LRRC7: variants seen among roughly 807,000 people sequenced by gnomAD.
LRRC7 encodes leucine rich repeat containing 7.
LRRC7 carries 23 observed loss-of-function variants against 175.7 expected under a neutral mutation model. The ratio of observed to expected loss-of-function variants is 0.13; its 90% confidence interval spans 0.09 to 0.19. The LOEUF (loss-of-function observed/expected upper bound fraction) is 0.19, where lower values mean the gene tolerates loss of function less well. Ranked by LOEUF, LRRC7 falls within the 10% of genes least tolerant of loss-of-function variation. The pLI is 1.00. For missense variants in LRRC7, 1,354 were observed against 1,904.7 expected (o/e 0.71, Z 5.38); for synonymous variants, 685 against 680.9 (o/e 1.01, Z -0.09).
chr1:69,745,833 T>C (rs1669195525), intron 2 of LRRC7, among the ~76,000 whole-genome samples: 1 of 151,948 alleles, frequency 6.6e-6, no homozygotes, highest in Non-Finnish European at 1.5e-5. Context: ...AGTAATATTA[T>C]GAATTTTATT....
intron 1 of LRRC7, among the ~76,000 whole-genome samples, chr1:69,646,628 G>A (rs746352374): frequency 6.6e-6 from 1 of 152,102 alleles, no homozygotes; most frequent in Non-Finnish European, 1.5e-5. Flanking sequence ...ATTAAAGACA[G>A]GAATGTTGGT....
At chr1:70,055,261 A>G (rs187522000) in intron 23 of LRRC7, among the ~76,000 whole-genome samples, 1 of 152,324 alleles carries the variant, frequency 6.6e-6, no homozygotes, top group East Asian at 1.9e-4. Context: ...AGGGATAAGC[A>G]GAAGCCGGAT....
At chr1:69,772,201 A>G (rs34431719) in intron 3 of LRRC7, among the ~76,000 whole-genome samples, 4,613 of 152,216 alleles carry the variant, frequency 0.03, 77 homozygotes, top group African/African-American at 0.045. Flanking sequence ...CTTGAGGTGG[A>G]AAGTGCAGTA....
chr1:69,813,906 T>C (rs537514218), intron 4 of LRRC7, among the ~76,000 whole-genome samples: 1 of 152,260 alleles, frequency 6.6e-6, no homozygotes, highest in East Asian at 1.9e-4. Context: ...GAATAAGATA[T>C]ATTGCTCAAG....
At chr1:69,598,859 T>G (rs901710724) in intron 1 of LRRC7, among the ~76,000 whole-genome samples, 3 of 152,216 alleles carry the variant, frequency 2.0e-5, no homozygotes, top group African/African-American at 7.2e-5. Flanking sequence ...TCCAAATATT[T>G]CTACTGAACA....
chr1:69,640,142 A>G (rs1469926118), intron 1 of LRRC7, among the ~76,000 whole-genome samples: 3 of 151,748 alleles, frequency 2.0e-5, no homozygotes, highest in African/African-American at 7.2e-5. Context: ...TCTGAGGAAA[A>G]ACATTCTAGC....
In LRRC7 at chr1:69,918,092, T is replaced by C. The variant is rs369907755; in HGVS notation, c.648-13415T>C. Among the ~76,000 whole-genome samples the C allele has an allele frequency of 1.4e-4, 22 of 152,328 alleles. No individual in the cohort carries two copies. In the East Asian group the frequency reaches 3.7e-3, roughly 25 times the overall value. On this transcript the variant is annotated intron_variant, in intron 7 of 26. Transcript: ENST00000651989. ...TAGCAATCTATCCATACTTTTATCG[T>C]GGCACTTGTCACTCTATGAAGTAAT...
intron 15 of LRRC7, among the ~76,000 whole-genome samples, chr1:70,019,807 T>G (rs1657292640): frequency 6.6e-6 from 1 of 152,048 alleles, no homozygotes. Context: ...AACCACCATG[T>G]TTACACATTT....
chr1:69,981,375 A>G lies in LRRC7; in HGVS notation c.786+922A>G, dbSNP rs188795370. On this transcript the variant is annotated intron_variant, in intron 9 of 26. Coordinates refer to ENST00000651989, the MANE Select transcript of LRRC7 (RefSeq NM_001370785.2). ...ACATTTATTCTGTCTTTGAATAAGC[A>G]TAAGACCACATAAAGGAGAAAATCT... 3.5e-3 allele frequency among the ~76,000 whole-genome samples: 527 copies of G among 152,350 alleles called. 2 individuals are homozygous for G. The highest frequency in any genetic ancestry group is 5.5e-3 in the Non-Finnish European group (376 of 68,018).
At chr1:69,926,839 A>T (rs974947766) in intron 7 of LRRC7, among the ~76,000 whole-genome samples, 2 of 152,138 alleles carry the variant, frequency 1.3e-5, no homozygotes, top group African/African-American at 4.8e-5. Flanking sequence ...TGTGAATTTG[A>T]TCCTGTCGTT....
intron 3 of LRRC7, among the ~76,000 whole-genome samples, chr1:69,786,272 C>CT (rs921754957): frequency 2.0e-5 from 3 of 152,076 alleles, no homozygotes; most frequent in African/African-American, 7.2e-5. Context: ...ATTCCAGTCT[C>CT]TAACACAAGA....
Position 70,138,661 on chromosome 1 carries a change from G to A in LRRC7, c.*16774G>A, listed in dbSNP as rs1422485657. The A allele has an allele frequency of 6.6e-6, 1 of 152,186 alleles. No homozygotes were observed. Among genetic ancestry groups the A allele is most frequent in the African/African-American group, 2.4e-5 (1 of 41,448 alleles). The allele number at this position is 152,186 out of a possible 1,614,324, so 9.4% of individuals were successfully genotyped here. On this transcript the variant is annotated 3_prime_UTR_variant, in exon 27 of 27. Coordinates refer to ENST00000651989, the MANE Select transcript of LRRC7 (RefSeq NM_001370785.2). ...AATTTAAATTCTCAATACCCTATGA[G>A]ATTTTTTAAACTATTTTAGATTCTT... is the stretch of plus-strand genomic sequence containing the variant.
chr1:69,965,480 A>G (rs1434010441), intron 8 of LRRC7, among the ~76,000 whole-genome samples: 1 of 152,160 alleles, frequency 6.6e-6, no homozygotes, highest in Non-Finnish European at 1.5e-5. Flanking sequence ...AATTAATTAT[A>G]AATCAATCAC....
intron 21 of LRRC7, 103 bp downstream of exon 21, chr1:70,039,896 T>A: frequency 7.4e-7 from 1 of 1,345,554 alleles, no homozygotes; most frequent in Non-Finnish European, 1.0e-6. Flanking sequence ...ATGAATGAAT[T>A]AGATGATCAG....
intron 2 of LRRC7, among the ~76,000 whole-genome samples, chr1:69,692,598 A>G (rs1023374753): frequency 2.0e-5 from 3 of 152,190 alleles, no homozygotes; most frequent in Non-Finnish European, 1.5e-5. Context: ...TTGACCCTTC[A>G]TATTCTACTG....
chr1:70,039,263 A>G lies in LRRC7; in HGVS notation c.3439A>G (p.Arg1147Gly), dbSNP rs1659643474. 19 of 1,614,112 alleles carry G rather than the reference A, an allele frequency of 1.2e-5. No homozygotes were observed. The highest frequency in any genetic ancestry group is 1.5e-5 in the Non-Finnish European group (18 of 1,179,998). The change falls in exon 21 of 27, where the codon AGG becomes GGG. Residue 1147 changes from arginine to glycine, a missense_variant. Physicochemically the swap from Arg to Gly is moderately radical, Grantham distance 125. Transcript: ENST00000651989. ...TGCCCAGTTCGCAAGCCAAGGGGCC[A>G]GGGCGGGCTTCCTGAGAAGGGCCGA... ...VNAQFASQGA[R>G]AGFLRRADSL...
intron 2 of LRRC7, among the ~76,000 whole-genome samples, chr1:69,737,325 G>A (rs1259560155): frequency 6.6e-6 from 1 of 152,000 alleles, no homozygotes; most frequent in Non-Finnish European, 1.5e-5. Flanking sequence ...CTTTTTAAGG[G>A]CAGTTCCCCT....
At chr1:69,771,856 C>T (rs1166429424) in intron 3 of LRRC7, among the ~76,000 whole-genome samples, 1 of 152,128 alleles carries the variant, frequency 6.6e-6, no homozygotes, top group Admixed American at 6.5e-5. Flanking sequence ...CACGGTGGCT[C>T]ACACCTGCAA....
At chr1:69,855,307 G>C (rs1683468635) in intron 7 of LRRC7, among the ~76,000 whole-genome samples, 1 of 152,188 alleles carries the variant, frequency 6.6e-6, no homozygotes, top group African/African-American at 2.4e-5. Flanking sequence ...ATGTGTCCCA[G>C]AGATTGTGGT....
Sources: gnomAD v4.1 joint callset for allele counts (sites outside exome capture counted in the v4.1 genomes callset) on GRCh38, gnomAD v4.1.1 for gene constraint, MANE v1.5 for transcripts, NCBI Gene and HGNC (gene_info 2026-07-23, HGNC 2026-07-21) for gene names.